LEMD3: variants seen among roughly 807,000 people sequenced by gnomAD.
The protein encoded by LEMD3 is inner nuclear membrane protein Man1.
In LEMD3, 33 loss-of-function variants were observed where a neutral mutation model predicts 95.2. The observed-to-expected ratio is 0.35, with a 90% CI of 0.26 to 0.46. LEMD3 has a LOEUF of 0.46. Ranked by LOEUF, LEMD3 falls within the 20% of genes least tolerant of loss-of-function variation. The pLI, the probability that LEMD3 is intolerant of heterozygous loss-of-function variation, is 1.00. For synonymous variants in LEMD3, 525 were observed against 474.6 expected (o/e 1.11, Z -1.38); for missense variants, 1,210 against 1,192.8 (o/e 1.01, Z -0.21).
chr12:65,196,869 A>G (rs1366356390), intron 1 of LEMD3, among the ~76,000 whole-genome samples: 3 of 152,104 alleles, frequency 2.0e-5, no homozygotes, highest in Non-Finnish European at 4.4e-5. Context: ...CTCATTTCTA[A>G]CACTAGAACT....
chr12:65,239,543 A>G lies in LEMD3; in HGVS notation c.1922-386A>G, dbSNP rs146071170. Among the ~76,000 whole-genome samples the G allele has an allele frequency of 2.8e-3, 433 of 152,294 alleles. 2 individuals are homozygous for G. Among genetic ancestry groups the G allele is most frequent in the African/African-American group, 1.0e-2 (415 of 41,572 alleles). On this transcript the variant is annotated intron_variant, in intron 6 of 12. Coordinates refer to ENST00000308330, the MANE Select transcript of LEMD3 (RefSeq NM_014319.5). The stretch of plus-strand genomic sequence containing the variant: ...AGCCTGGATGACAGAGTAAGACCCT[A>G]TCTCAAAAACAACAACAACAAAAGA...
rs566126968 is a variant in LEMD3, at chr12:65,194,461, G to A, written c.1523-16465G>A. On this transcript the variant is annotated intron_variant, in intron 1 of 12. Transcript: ENST00000308330. Reference sequence around the variant, plus strand: ...TGGGTGCTGCTAATTGGTTGTGGATGCAATCATAGCGGTGTGGAAATGGTC... The same window carrying A: ...TGGGTGCTGCTAATTGGTTGTGGATACAATCATAGCGGTGTGGAAATGGTC... 2.0e-5 allele frequency among the ~76,000 whole-genome samples: 3 copies of A among 152,208 alleles called. No homozygotes were observed. The East Asian group carries it at 5.8e-4, about 29-fold the overall frequency.
chr12:65,236,761 A>T (rs1376095540), intron 4 of LEMD3, among the ~76,000 whole-genome samples: 3 of 152,140 alleles, frequency 2.0e-5, no homozygotes, highest in African/African-American at 7.2e-5. Flanking sequence ...TTCATTAATA[A>T]GGTGTTGATT....
intron 4 of LEMD3, among the ~76,000 whole-genome samples, chr12:65,234,591 G>A (rs961705442): frequency 1.3e-5 from 2 of 152,084 alleles, no homozygotes; most frequent in African/African-American, 4.8e-5. Flanking sequence ...TATTGAGAAT[G>A]TGTACCCATA....
At chr12:65,229,990 G>A (rs367740605) in intron 4 of LEMD3, among the ~76,000 whole-genome samples, 1 of 152,106 alleles carries the variant, frequency 6.6e-6, no homozygotes, top group Non-Finnish European at 1.5e-5. Flanking sequence ...GTTGATTTTT[G>A]TGTATGGTGA....
chr12:65,225,208 C>T (rs1565794764), intron 4 of LEMD3, among the ~76,000 whole-genome samples: 2 of 152,066 alleles, frequency 1.3e-5, no homozygotes, highest in Non-Finnish European at 1.5e-5. Context: ...TAGACTTCTA[C>T]TTCTTTAGGA....
rs1871161234 is a variant in LEMD3 at position 65,247,802 on chromosome 12, A to G, written c.*1477A>G. 6.6e-6 allele frequency: 1 copy of G among 152,626 alleles called. No individual in the cohort carries two copies. Among genetic ancestry groups the G allele is most frequent in the Admixed American group, 6.5e-5 (1 of 15,282 alleles). 9.5% of individuals were successfully genotyped at this position (152,626 alleles called of 1,614,324 possible). Reference sequence around the variant, plus strand: ...TGATGCACACTATTCTGTAACAGAAAGCCCTATTGTGCCTTACCTGTGTGC... The same window carrying G: ...TGATGCACACTATTCTGTAACAGAAGGCCCTATTGTGCCTTACCTGTGTGC... On this transcript the variant is annotated 3_prime_UTR_variant, in exon 13 of 13. Transcript: ENST00000308330.
At chr12:65,201,457 C>G (rs1869597509) in intron 1 of LEMD3, among the ~76,000 whole-genome samples, 1 of 152,052 alleles carries the variant, frequency 6.6e-6, no homozygotes, top group African/African-American at 2.4e-5. Context: ...TTAATTAGTT[C>G]TTTTTGATAT....
intron 1 of LEMD3, among the ~76,000 whole-genome samples, chr12:65,200,354 T>TG (rs897894144): frequency 6.6e-6 from 1 of 152,134 alleles, no homozygotes; most frequent in African/African-American, 2.4e-5. Context: ...CCCATTCTGT[T>TG]GAGTGTACTT....
At chr12:65,178,821 A>G (rs1303976321) in intron 1 of LEMD3, among the ~76,000 whole-genome samples, 1 of 152,176 alleles carries the variant, frequency 6.6e-6, no homozygotes, top group Admixed American at 6.6e-5. Context: ...TTTAATATGT[A>G]TAAATAAGGA....
Position 65,218,543 on chromosome 12 carries a change from T to G in LEMD3, c.1628-9T>G, listed in dbSNP as rs771005072. 1 of 1,583,050 alleles carries G rather than the reference T, an allele frequency of 6.3e-7. No individual in the cohort carries two copies. The stretch of plus-strand genomic sequence containing the variant: ...TGATTCAAAATTAATAATATGCTAA[T>G]CTTTCCAGGAGATCATGAATGTGGC... On this transcript the variant is annotated splice_polypyrimidine_tract_variant and intron_variant, in intron 3 of 12. Coordinates refer to ENST00000308330, the MANE Select transcript of LEMD3 (RefSeq NM_014319.5).
intron 6 of LEMD3, among the ~76,000 whole-genome samples, chr12:65,239,469 G>C (rs1278903959): frequency 6.6e-6 from 1 of 152,066 alleles, no homozygotes; most frequent in Non-Finnish European, 1.5e-5. Flanking sequence ...GATTTCTTGA[G>C]CCCAGGAGTT....
intron 1 of LEMD3, among the ~76,000 whole-genome samples, chr12:65,198,260 T>C (rs1053506916): frequency 6.6e-6 from 1 of 152,146 alleles, no homozygotes; most frequent in African/African-American, 2.4e-5. Context: ...GTTTAATAAA[T>C]TATAGTATTC....
chr12:65,176,490 A>G (rs1208940282), intron 1 of LEMD3, among the ~76,000 whole-genome samples: 4 of 152,228 alleles, frequency 2.6e-5, no homozygotes, highest in Non-Finnish European at 5.9e-5. Context: ...AGTTTGGCCC[A>G]TCATTTTGTG....
intron 4 of LEMD3, among the ~76,000 whole-genome samples, chr12:65,224,771 G>A (rs1041207656): frequency 6.6e-6 from 1 of 151,944 alleles, no homozygotes; most frequent in African/African-American, 2.4e-5. Context: ...TCTTCCCCAG[G>A]TTTGGGGAGT....
rs964550274 is a variant in LEMD3 at position 65,247,501 on chromosome 12, C to T, written c.*1176C>T. 1 of 152,110 alleles carries T rather than the reference C, an allele frequency of 6.6e-6. No individual in the cohort carries two copies. The highest frequency in any genetic ancestry group is 2.4e-5 in the African/African-American group (1 of 41,404). 9.4% of individuals were successfully genotyped at this position (152,110 alleles called of 1,614,324 possible). ...TGCACGATTGACTGTTGCTTTGTGC[C>T]TCAGTATTTAATTTGTTTCAGTAAA... On this transcript the variant is annotated 3_prime_UTR_variant, in exon 13 of 13. Transcript: ENST00000308330.
intron 1 of LEMD3, among the ~76,000 whole-genome samples, chr12:65,181,195 G>C (rs1853476036): frequency 6.6e-6 from 1 of 152,116 alleles, no homozygotes; most frequent in Non-Finnish European, 1.5e-5. Context: ...TTGGAACCTT[G>C]GTCAGCCTTA....
chr12:65,208,998 T>C (rs1045300348), intron 1 of LEMD3, among the ~76,000 whole-genome samples: 3 of 152,120 alleles, frequency 2.0e-5, no homozygotes, highest in African/African-American at 4.8e-5. Context: ...GCTCAGAACA[T>C]ACCCTCCTCC....
intron 1 of LEMD3, among the ~76,000 whole-genome samples, chr12:65,194,844 T>TATATATATATATATATATATAAA (rs1565784586): frequency 5.4e-5 from 8 of 147,938 alleles, no homozygotes; most frequent in African/African-American, 2.0e-4. Flanking sequence ...TAAATTATAA[T>TATATATATATATATATATATAAA]TTAGATTATA....
Sources: allele counts gnomAD v4.1 joint callset (sites outside exome capture counted in the v4.1 genomes callset), GRCh38; gene constraint gnomAD v4.1.1; transcripts MANE v1.5; gene names NCBI Gene and HGNC (gene_info 2026-07-23, HGNC 2026-07-21).